The following LRRC7 variants were observed in gnomAD, a reference collection of about 807,000 sequenced individuals.
The protein encoded by LRRC7 is leucine rich repeat containing 7, also known as leucine-rich repeat-containing protein 7.
In LRRC7, 23 loss-of-function variants were observed where a neutral mutation model predicts 175.7. The ratio of observed to expected loss-of-function variants is 0.13; its 90% CI spans 0.09 to 0.19. The LOEUF (loss-of-function observed/expected upper bound fraction) is 0.19, where lower values mean the gene tolerates loss of function less well. LRRC7 is among the 10% of genes least tolerant of loss of function. The probability of loss-of-function intolerance (pLI) is 1.00; values close to 1 mark genes in which losing one functional copy is unlikely to be tolerated. For missense variants in LRRC7, 1,354 were observed against 1,904.7 expected, an observed-to-expected ratio of 0.71 and a Z score of 5.38; for synonymous variants, 685 against 680.9, an observed-to-expected ratio of 1.01 and a Z score of -0.09.
chr1:70,040,982 A>T (rs1286522852), intron 21 of LRRC7, among the ~76,000 whole-genome samples: 5 of 152,182 alleles, frequency 3.3e-5, no homozygotes, highest in Non-Finnish European at 2.9e-5. Flanking sequence ...GACCATCGTC[A>T]TTCAGTGTAC....
At position 70,023,245 on chromosome 1, in the gene LRRC7, G is replaced by T. The variant is rs565543587; in HGVS notation, c.1665G>T (p.Met555Ile). Residue 555 changes from methionine to isoleucine, a missense_variant, in exon 17 of 27, where the codon ATG becomes ATT. Coordinates refer to ENST00000651989, the MANE Select transcript of LRRC7 (RefSeq NM_001370785.2). ...WARCDQQIQD[M>I]PVPQNDPQLA... is the part of the protein sequence containing the mutation. ...GGTGTGATCAGCAGATCCAAGATAT[G>T]CCCGTCCCCCAGAATGACCCACAGC... The T allele has an allele frequency of 3.1e-6, 5 of 1,612,992 alleles. 1 individual carries two copies. Among genetic ancestry groups the T allele is most frequent in the East Asian group, 4.5e-5 (2 of 44,774 alleles).
chr1:69,813,326 A>G (rs1678182956), intron 4 of LRRC7, among the ~76,000 whole-genome samples: 1 of 152,162 alleles, frequency 6.6e-6, no homozygotes, highest in Non-Finnish European at 1.5e-5. Flanking sequence ...AGGAACTAGC[A>G]AAAAGACTCA....
At chr1:69,663,815 G>A (rs1234537184) in intron 1 of LRRC7, among the ~76,000 whole-genome samples, 3 of 139,584 alleles carry the variant, frequency 2.1e-5, no homozygotes, top group Admixed American at 7.9e-5. Flanking sequence ...TCCGCTTCCC[G>A]GGTTCACGCC....
chr1:69,952,364 A>C (rs114152536), intron 8 of LRRC7, among the ~76,000 whole-genome samples: 11 of 152,172 alleles, frequency 7.2e-5, no homozygotes, highest in Non-Finnish European at 1.0e-4. Flanking sequence ...ATATGTATTT[A>C]TTATATGGGT....
intron 7 of LRRC7, among the ~76,000 whole-genome samples, chr1:69,885,618 C>T (rs1421420097): frequency 6.1e-5 from 8 of 130,088 alleles, no homozygotes; most frequent in Non-Finnish European, 1.3e-4. Flanking sequence ...CTATTTCCTT[C>T]AGTTCTGCTC....
At chr1:69,814,022 T>G in intron 4 of LRRC7, among the ~76,000 whole-genome samples, 1 of 152,274 alleles carries the variant, frequency 6.6e-6, no homozygotes, top group South Asian at 2.1e-4. Context: ...ATATAACATT[T>G]ATAAGTAAAT....
intron 2 of LRRC7, among the ~76,000 whole-genome samples, chr1:69,758,949 T>A (rs1670733624): frequency 6.6e-6 from 1 of 152,050 alleles, no homozygotes; most frequent in Admixed American, 6.6e-5. Context: ...AATTCATGTT[T>A]ATTAAGTTTT....
At chr1:70,056,025 A>G (rs1348372203) in intron 23 of LRRC7, among the ~76,000 whole-genome samples, 2 of 152,188 alleles carry the variant, frequency 1.3e-5, no homozygotes, top group East Asian at 3.9e-4. Context: ...AAATACAGAA[A>G]GAGTAATAGG....
Position 70,143,913 on chromosome 1 carries a change from T to C in LRRC7, c.*22026T>C, listed in dbSNP as rs982749956. On this transcript the variant is annotated 3_prime_UTR_variant, in exon 27 of 27. Transcript: ENST00000651989. ...AAGTACTTTTTAGTTGAACTACATA[T>C]TGATGTAAATAAAACTGAATGAAGA... 1 of 152,184 alleles carries C rather than the reference T, an allele frequency of 6.6e-6. No homozygotes were observed. The highest frequency in any genetic ancestry group is 2.1e-4 in the South Asian group (1 of 4,834). The allele number at this position is 152,184 out of a possible 1,614,324, so 9.4% of individuals were successfully genotyped here.
chr1:69,628,040 C>T (rs1651885097), intron 1 of LRRC7, among the ~76,000 whole-genome samples: 1 of 151,844 alleles, frequency 6.6e-6, no homozygotes, highest in African/African-American at 2.4e-5. Context: ...TCCTTAATAC[C>T]ATATTTAATG....
At chr1:69,812,941 A>G (rs1570081057) in intron 4 of LRRC7, among the ~76,000 whole-genome samples, 1 of 152,186 alleles carries the variant, frequency 6.6e-6, no homozygotes, top group East Asian at 1.9e-4. Context: ...TTTAACAAGC[A>G]ATGGCTGAGT....
rs558596706 is a variant in LRRC7, at chr1:70,129,682, C to T, written c.*7795C>T. 6.6e-6 allele frequency among the ~76,000 whole-genome samples: 1 copy of T among 152,258 alleles called. No individual in the cohort carries two copies. The highest frequency in any genetic ancestry group is 6.5e-5 in the Admixed American group (1 of 15,296). ...AGGAGTTGAACAATCATTCAGCTGG[C>T]TGCATTTCATGTTTATTTACTTCAC... is the stretch of plus-strand genomic sequence containing the variant. On this transcript the variant is annotated 3_prime_UTR_variant, in exon 27 of 27. Coordinates refer to ENST00000651989, the MANE Select transcript of LRRC7 (RefSeq NM_001370785.2).
intron 1 of LRRC7, among the ~76,000 whole-genome samples, chr1:69,655,628 A>T (rs1336467390): frequency 6.6e-6 from 1 of 152,098 alleles, no homozygotes; most frequent in African/African-American, 2.4e-5. Flanking sequence ...GCAAGATTTT[A>T]ACATTTATGT....
At chr1:70,078,822 A>ACACG (rs778566462) in intron 24 of LRRC7, among the ~76,000 whole-genome samples, 1 of 111,996 alleles carries the variant, frequency 8.9e-6, no homozygotes, top group African/African-American at 4.3e-5. Context: ...ACACACACAC[A>ACACG]CGCACACACA....
At position 69,884,251 on chromosome 1, in the gene LRRC7, G is replaced by A. The variant is rs1686938552; in HGVS notation, c.647+45968G>A. 2.2e-5 allele frequency among the ~76,000 whole-genome samples: 2 copies of A among 89,998 alleles called. 1 individual carries two copies. Among genetic ancestry groups the A allele is most frequent in the African/African-American group, 8.6e-5 (2 of 23,246 alleles). 59.0% of individuals were successfully genotyped at this position (89,998 alleles called of 152,430 possible). On this transcript the variant is annotated intron_variant, in intron 7 of 26. Transcript: ENST00000651989. Reference sequence around the variant, plus strand: ...ATTGATTCTTCCTACCCATGAGCATGGAATGTTCTTCCATTTGTTTGTATC... The same window carrying A: ...ATTGATTCTTCCTACCCATGAGCATAGAATGTTCTTCCATTTGTTTGTATC...
Position 69,800,077 on chromosome 1 carries a change from T to C in LRRC7, c.421+7917T>C, listed in dbSNP as rs186334843. On this transcript the variant is annotated intron_variant, in intron 4 of 26. Transcript: ENST00000651989. ...GATATGTCACATTATCTCTGACTTT[T>C]CGATTCTATTCCATTGATATCTGCA... Among the ~76,000 whole-genome samples the C allele has an allele frequency of 7.9e-5, 12 of 152,172 alleles. No individual in the cohort carries two copies. The East Asian group carries it at 2.3e-3, about 29-fold the overall frequency.
At chr1:70,047,711 T>G (rs1375962724) in intron 22 of LRRC7, among the ~76,000 whole-genome samples, 3 of 152,050 alleles carry the variant, frequency 2.0e-5, no homozygotes, top group Non-Finnish European at 2.9e-5. Flanking sequence ...TTTCATGTAT[T>G]ACAAGCTAAA....
intron 2 of LRRC7, among the ~76,000 whole-genome samples, chr1:69,695,027 T>C (rs1256004004): frequency 6.6e-6 from 1 of 151,988 alleles, no homozygotes; most frequent in Non-Finnish European, 1.5e-5. Flanking sequence ...TAGGCAGAGG[T>C]TGGAAGAGTT....
At chr1:69,715,226 T>C (rs2100748647) in intron 2 of LRRC7, among the ~76,000 whole-genome samples, 1 of 152,294 alleles carries the variant, frequency 6.6e-6, no homozygotes, top group East Asian at 1.9e-4. Flanking sequence ...TACCAGGCCC[T>C]GCCTGACTCT....
Sources: allele counts gnomAD v4.1 joint callset (sites outside exome capture counted in the v4.1 genomes callset), GRCh38; gene constraint gnomAD v4.1.1; transcripts MANE v1.5; gene names NCBI Gene and HGNC (gene_info 2026-07-23, HGNC 2026-07-21).